The following NBEA variants were observed in gnomAD, a reference collection of about 807,000 sequenced individuals.
NBEA encodes the protein neurobeachin, also known as lysosomal-trafficking regulator 2.
In NBEA, 44 loss-of-function variants were observed where a neutral mutation model predicts 343.4. The observed-to-expected ratio is 0.13, with a 90% CI of 0.10 to 0.16. NBEA has a LOEUF of 0.16. NBEA is among the 10% of genes least tolerant of loss of function. NBEA has a pLI of 1.00. For synonymous variants in NBEA, 1,175 were observed against 1,238.7 expected, an observed-to-expected ratio of 0.95 and a Z score of 1.08; for missense variants, 2,555 against 3,631.3, an observed-to-expected ratio of 0.70 and a Z score of 7.62.
At chr13:35,412,447 A>G (rs1035136258) in intron 38 of NBEA, among the ~76,000 whole-genome samples, 1 of 152,118 alleles carries the variant, frequency 6.6e-6, no homozygotes, top group Non-Finnish European at 1.5e-5. Flanking sequence ...CATTTTCATT[A>G]CTTTGTCTCA....
intron 38 of NBEA, among the ~76,000 whole-genome samples, chr13:35,425,264 G>T (rs1313636971): frequency 6.6e-6 from 1 of 151,982 alleles, no homozygotes; most frequent in Admixed American, 6.6e-5. Context: ...AATCTTTCCT[G>T]CTTTCTCTTG....
chr13:35,446,354 A>G (rs1474252884), intron 39 of NBEA, among the ~76,000 whole-genome samples: 3 of 152,142 alleles, frequency 2.0e-5, no homozygotes, highest in Non-Finnish European at 4.4e-5. Context: ...GCTGGGTCAA[A>G]TGGTATTTCT....
At chr13:35,473,420 T>G (rs1377360498) in intron 41 of NBEA, among the ~76,000 whole-genome samples, 1 of 152,136 alleles carries the variant, frequency 6.6e-6, no homozygotes, top group African/African-American at 2.4e-5. Context: ...ATCCAGAACT[T>G]TATTGTTTTT....
intron 41 of NBEA, among the ~76,000 whole-genome samples, chr13:35,550,040 A>G (rs150399163): frequency 6.6e-6 from 1 of 152,270 alleles, no homozygotes; most frequent in East Asian, 1.9e-4. Context: ...TTTACAGAAA[A>G]GTTTGCTGAC....
intron 34 of NBEA, chr13:35,251,972 A>T (rs1286788726): frequency 1.3e-5 from 2 of 153,282 alleles, no homozygotes; most frequent in Non-Finnish European, 2.9e-5. Context: ...ATAAAAGTAA[A>T]ATCACTCCAG....
intron 36 of NBEA, among the ~76,000 whole-genome samples, chr13:35,325,917 T>C (rs1011083828): frequency 6.6e-6 from 1 of 152,110 alleles, no homozygotes; most frequent in Non-Finnish European, 1.5e-5. Context: ...TAAGGAGTCC[T>C]TTCTCCATTG....
intron 1 of NBEA, among the ~76,000 whole-genome samples, chr13:34,988,011 C>G (rs2060618670): frequency 6.6e-6 from 1 of 151,120 alleles, no homozygotes; most frequent in Non-Finnish European, 1.5e-5. Flanking sequence ...TCGTCAAAGT[C>G]ATTCTCCATG....
At chr13:35,348,381 A>G (rs1841967688) in intron 36 of NBEA, among the ~76,000 whole-genome samples, 1 of 152,128 alleles carries the variant, frequency 6.6e-6, no homozygotes, top group South Asian at 2.1e-4. Flanking sequence ...ACACCCAGGC[A>G]TAACAGTGGG....
intron 48 of NBEA, among the ~76,000 whole-genome samples, chr13:35,621,348 G>T (rs778107378): frequency 3.3e-5 from 5 of 152,058 alleles, no homozygotes; most frequent in Non-Finnish European, 5.9e-5. Context: ...CCTTCTCCCA[G>T]ATGTCTTTAT....
intron 1 of NBEA, among the ~76,000 whole-genome samples, chr13:34,991,804 T>C (rs1156468778): frequency 6.6e-6 from 1 of 152,198 alleles, no homozygotes; most frequent in Non-Finnish European, 1.5e-5. Context: ...CCCTACAGCC[T>C]GAAGAACCTT....
chr13:35,181,203 G>A (rs1001934341), intron 28 of NBEA, among the ~76,000 whole-genome samples: 12 of 151,680 alleles, frequency 7.9e-5, no homozygotes, highest in African/African-American at 2.7e-4. Flanking sequence ...GTGGGATTCC[G>A]GGATCAAATG....
Position 35,651,947 on chromosome 13 carries a change from G to T in NBEA, c.8035+71G>T, listed in dbSNP as rs1016530426. On this transcript the variant is annotated intron_variant, in intron 53 of 58. Transcript: ENST00000379939. ...ATTCATATATAGTTATTTTTCATAA[G>T]ATAGTTGAACAATATTTTTTCTACC... is the stretch of plus-strand genomic sequence containing the variant. 6.2e-5 allele frequency: 54 copies of T among 875,932 alleles called. 1 individual carries two copies. In the South Asian group the frequency reaches 8.5e-4, roughly 14 times the overall value. 54.3% of individuals were successfully genotyped at this position (875,932 alleles called of 1,614,324 possible).
At chr13:35,551,172 G>A in intron 43 of NBEA, 140 bp downstream of exon 43, 1 of 487,008 alleles carries the variant, frequency 2.1e-6, no homozygotes, top group Non-Finnish European at 3.5e-6. Context: ...TATTTGTAGG[G>A]ATAGAGATTA....
rs199877186 is a variant in NBEA, at chr13:35,352,321, T to C, written c.6177T>C (p.His2059=). 411 of 1,446,950 alleles carry C rather than the reference T, an allele frequency of 2.8e-4. No homozygotes were observed. Among genetic ancestry groups the C allele is most frequent in the Admixed American group, 8.9e-4 (43 of 48,394 alleles). 89.6% of individuals were successfully genotyped at this position (1,446,950 alleles called of 1,614,324 possible). ...ATGGTGCTTGGGGAGCAGTTTCTCA[T>C]AGGTGAGTTATAATAAATTCGAGTA... The part of the protein sequence containing the change: ...NKHGAWGAVS[H]SQLHDFWRLD... The change falls in exon 38 of 59, where the codon CAT becomes CAC. Residue 2059 remains histidine, a splice_region_variant and synonymous_variant. Coordinates refer to ENST00000379939, the MANE Select transcript of NBEA (RefSeq NM_001385012.1).
At chr13:35,347,127 C>T (rs542680406) in intron 36 of NBEA, among the ~76,000 whole-genome samples, 1 of 152,028 alleles carries the variant, frequency 6.6e-6, no homozygotes, top group South Asian at 2.1e-4. Context: ...TATCAGAATA[C>T]ATAATGATAT....
intron 34 of NBEA, among the ~76,000 whole-genome samples, chr13:35,285,711 T>C (rs1407153820): frequency 6.6e-6 from 1 of 152,192 alleles, no homozygotes; most frequent in Non-Finnish European, 1.5e-5. Flanking sequence ...CTAAACTCTT[T>C]AGTTACTAGC....
At chr13:35,392,903 T>G (rs976329735) in intron 38 of NBEA, among the ~76,000 whole-genome samples, 1 of 152,184 alleles carries the variant, frequency 6.6e-6, no homozygotes, top group Non-Finnish European at 1.5e-5. Context: ...AAGGTCCAAA[T>G]AGGACACATT....
chr13:35,670,709 T>G (rs980463216), intron 58 of NBEA, among the ~76,000 whole-genome samples, 192 bp from the exon 59 acceptor site: 2 of 152,236 alleles, frequency 1.3e-5, no homozygotes, highest in African/African-American at 2.4e-5. Flanking sequence ...GCGGGCTAAC[T>G]GTGCTCCTCT....
intron 38 of NBEA, among the ~76,000 whole-genome samples, chr13:35,394,502 G>A (rs2042650286): frequency 6.6e-6 from 1 of 151,950 alleles, no homozygotes; most frequent in African/African-American, 2.4e-5. Context: ...AATAAAAAGT[G>A]GTTCAATTTC....
Sources: allele counts gnomAD v4.1 joint callset (sites outside exome capture counted in the v4.1 genomes callset), GRCh38; gene constraint gnomAD v4.1.1; transcripts MANE v1.5; gene names NCBI Gene and HGNC (gene_info 2026-07-23, HGNC 2026-07-21).